UGT1A7: variants seen among roughly 807,000 people sequenced by gnomAD.
The protein encoded by UGT1A7 is UDP-glucuronosyltransferase 1A7.
Under a neutral mutation model 45.6 loss-of-function variants are expected in UGT1A7, and 33 were observed. The observed-to-expected ratio is 0.72, with a 90% CI of 0.55 to 0.97. The LOEUF is 0.97. Among genes scored for constraint, UGT1A7 ranks in the 50% least tolerant of loss-of-function variants. The probability of loss-of-function intolerance (pLI) is 0.00; values close to 1 mark genes in which losing one functional copy is unlikely to be tolerated. For synonymous variants in UGT1A7, 274 were observed against 250.6 expected (o/e 1.09, Z -0.88); for missense variants, 684 against 666.2 (o/e 1.03, Z -0.29).
chr2:233,726,841 G>A (rs1173515179), intron 1 of UGT1A7, among the ~76,000 whole-genome samples: 1 of 152,112 alleles, frequency 6.6e-6, no homozygotes, highest in African/African-American at 2.4e-5. Flanking sequence ...TTTAATTTTT[G>A]TTCCTTTTCT....
chr2:233,717,646 G>A (rs1286894473), intron 1 of UGT1A7: 4 of 401,574 alleles, frequency 1.0e-5, no homozygotes, highest in African/African-American at 8.2e-5. Context: ...GGGGCGACCA[G>A]GACAAGGAAG....
At chr2:233,706,756 T>C (rs534591277) in intron 1 of UGT1A7, among the ~76,000 whole-genome samples, 3 of 152,306 alleles carry the variant, frequency 2.0e-5, no homozygotes, top group African/African-American at 4.8e-5. Context: ...CAGAGTGCCG[T>C]ACACTGGTAT....
intron 1 of UGT1A7, among the ~76,000 whole-genome samples, chr2:233,740,045 T>C (rs374549434): frequency 3.3e-5 from 5 of 151,842 alleles, no homozygotes; most frequent in African/African-American, 1.2e-4. Context: ...AGGGACTCTT[T>C]CTCCTTTACT....
At chr2:233,767,732 C>T (rs1041419428) in intron 2 of UGT1A7, 117 bp from the exon 3 acceptor site, 2 of 1,564,690 alleles carry the variant, frequency 1.3e-6, no homozygotes, top group Admixed American at 1.9e-5. Flanking sequence ...ACTGATCCTC[C>T]CACTCTGTTA....
chr2:233,719,410 T>G, intron 1 of UGT1A7: 1 of 1,613,994 alleles, frequency 6.2e-7, no homozygotes, highest in African/African-American at 1.3e-5. Context: ...ATTCCTAAGT[T>G]ACTAACGACC....
intron 1 of UGT1A7, among the ~76,000 whole-genome samples, chr2:233,698,183 T>C (rs2075430148): frequency 6.6e-6 from 1 of 152,224 alleles, no homozygotes; most frequent in African/African-American, 2.4e-5. Context: ...TGTATTATGA[T>C]ATGTAATTAT....
At chr2:233,697,826 A>G (rs2125573469) in intron 1 of UGT1A7, among the ~76,000 whole-genome samples, 1 of 152,286 alleles carries the variant, frequency 6.6e-6, no homozygotes, top group South Asian at 2.1e-4. Context: ...TTTCAAGAAA[A>G]TCTAATTAAG....
intron 1 of UGT1A7, chr2:233,721,895 C>A: frequency 2.1e-6 from 1 of 474,970 alleles, no homozygotes; most frequent in Non-Finnish European, 4.2e-6. Context: ...ATTGCAATAT[C>A]GAAATGGTGC....
chr2:233,728,353 G>C (rs563939650), intron 1 of UGT1A7, among the ~76,000 whole-genome samples: 3 of 152,192 alleles, frequency 2.0e-5, no homozygotes, highest in African/African-American at 7.2e-5. Context: ...GTGAGCAGGA[G>C]CTCCCTGAAC....
At chr2:233,747,905 T>C in intron 1 of UGT1A7, 4 of 1,613,538 alleles carry the variant, frequency 2.5e-6, no homozygotes, top group Non-Finnish European at 3.4e-6. Flanking sequence ...CTGCTCCTTA[T>C]GCAAGCCTTG....
rs1298347226 is a variant in UGT1A7, at chr2:233,768,214, T to C, written c.1076-6T>C. ...CTGCTGACATCCTCCCTATTTTGCA[T>C]CTCAGGTCACCCGATGACCCGTGCC... On this transcript the variant is annotated splice_polypyrimidine_tract_variant and splice_region_variant and intron_variant, in intron 3 of 4. Coordinates refer to ENST00000373426, the MANE Select transcript of UGT1A7 (RefSeq NM_019077.3). The C allele has an allele frequency of 3.7e-6, 6 of 1,614,204 alleles. No homozygotes were observed. The highest frequency in any genetic ancestry group is 5.1e-6 in the Non-Finnish European group (6 of 1,180,044).
intron 1 of UGT1A7, among the ~76,000 whole-genome samples, chr2:233,749,048 G>A (rs971620112): frequency 1.8e-4 from 27 of 151,634 alleles, no homozygotes; most frequent in African/African-American, 6.3e-4. Context: ...GTGGTACTCT[G>A]GGACCTGAAT....
chr2:233,712,648 C>T (rs968253315), intron 1 of UGT1A7, among the ~76,000 whole-genome samples: 4 of 152,112 alleles, frequency 2.6e-5, no homozygotes, highest in African/African-American at 4.8e-5. Context: ...GCCTGATAAA[C>T]GTGGTTAAGA....
chr2:233,701,408 C>A (rs2075626075), intron 1 of UGT1A7, among the ~76,000 whole-genome samples: 1 of 152,062 alleles, frequency 6.6e-6, no homozygotes, highest in Non-Finnish European at 1.5e-5. Flanking sequence ...GACTTTAACA[C>A]CCCACTGTCA....
At chr2:233,724,293 C>A (rs1226718888) in intron 1 of UGT1A7, among the ~76,000 whole-genome samples, 7 of 135,018 alleles carry the variant, frequency 5.2e-5, no homozygotes, top group Non-Finnish European at 8.1e-5. Flanking sequence ...GGGGGCTGAC[C>A]CCCCCACCTC....
At chr2:233,759,555 T>TC (rs1410199038) in intron 1 of UGT1A7, among the ~76,000 whole-genome samples, 12 of 152,242 alleles carry the variant, frequency 7.9e-5, no homozygotes, top group Middle Eastern at 6.8e-3. Context: ...CCAGTGAATT[T>TC]CCCTTTCTGG....
chr2:233,719,036 G>T lies in UGT1A7; in HGVS notation c.855+36244G>T, dbSNP rs148862762. Reference sequence around the variant, plus strand: ...AGGTGAATATGCACATCAAAGAAGAGAAATTTTTCACCCTGACAGCCTATG... The same window carrying T: ...AGGTGAATATGCACATCAAAGAAGATAAATTTTTCACCCTGACAGCCTATG... On this transcript the variant is annotated intron_variant, in intron 1 of 4. Transcript: ENST00000373426. 1.2e-4 allele frequency: 194 copies of T among 1,614,156 alleles called. 1 individual carries two copies. The highest frequency in any genetic ancestry group is 3.6e-5 in the Non-Finnish European group (43 of 1,180,050).
chr2:233,729,884 C>T, intron 1 of UGT1A7: 2 of 1,613,892 alleles, frequency 1.2e-6, no homozygotes, highest in Non-Finnish European at 1.7e-6. Context: ...AGTCATGCAT[C>T]TGTGTGGCTG....
chr2:233,772,436 T>G lies in UGT1A7; in HGVS notation c.1470T>G (p.Gly490=). 6.2e-7 allele frequency: 1 copy of G among 1,614,180 alleles called. No individual in the cohort carries two copies. Among genetic ancestry groups the G allele is most frequent in the Non-Finnish European group, 8.5e-7 (1 of 1,180,036 alleles). Residue 490 remains glycine, a synonymous_variant, in exon 5 of 5, where the codon GGT becomes GGG. Coordinates refer to ENST00000373426, the MANE Select transcript of UGT1A7 (RefSeq NM_019077.3). ...AGTACCATTCCTTGGACGTGATTGGTTTCCTCTTGGCCGTCGTGCTGACAG... is the reference window on the plus strand; with the variant it reads ...AGTACCATTCCTTGGACGTGATTGGGTTCCTCTTGGCCGTCGTGCTGACAG... ...WYQYHSLDVI[G]FLLAVVLTVA...
Sources: gnomAD v4.1 joint callset for allele counts (sites outside exome capture counted in the v4.1 genomes callset) on GRCh38, gnomAD v4.1.1 for gene constraint, MANE v1.5 for transcripts, NCBI Gene and HGNC (gene_info 2026-07-23, HGNC 2026-07-21) for gene names.